CDCA8: variants seen among roughly 807,000 people sequenced by gnomAD.
The protein encoded by CDCA8 is borealin.
In CDCA8, 25 loss-of-function variants were observed where a neutral mutation model predicts 40.0. The ratio of observed to expected loss-of-function variants is 0.63; its 90% confidence interval spans 0.46 to 0.87. The LOEUF is 0.87. Among genes scored for constraint, CDCA8 ranks in the 40% least tolerant of loss-of-function variants. CDCA8 has a pLI of 0.00. For synonymous variants in CDCA8, 111 were observed against 126.5 expected (o/e 0.88, Z 0.82); for missense variants, 280 against 348.4 (o/e 0.80, Z 1.56).
intron 9 of CDCA8, among the ~76,000 whole-genome samples, 161 bp from the exon 10 acceptor site, chr1:37,708,158 AGTT>A (rs1175494727): frequency 2.6e-5 from 4 of 152,108 alleles, no homozygotes; most frequent in African/African-American, 4.8e-5. Context: ...GTCTCACTTG[AGTT>A]GTTATTTTAC....
At chr1:37,697,601 G>A (rs1188235738) in intron 3 of CDCA8, among the ~76,000 whole-genome samples, 1 of 152,190 alleles carries the variant, frequency 6.6e-6, no homozygotes, top group Non-Finnish European at 1.5e-5. Context: ...AGGAAAGGTG[G>A]GAATCTTTCT....
chr1:37,697,315 G>A (rs1318926677), intron 3 of CDCA8, among the ~76,000 whole-genome samples: 1 of 152,210 alleles, frequency 6.6e-6, no homozygotes, highest in African/African-American at 2.4e-5. Context: ...CAACAAAGGA[G>A]AAAATTGCAT....
At chr1:37,706,451 G>C (rs985955085) in intron 8 of CDCA8, among the ~76,000 whole-genome samples, 2 of 152,162 alleles carry the variant, frequency 1.3e-5, no homozygotes, top group African/African-American at 4.8e-5. Context: ...GATTGTAGTA[G>C]GCCCAAGAAG....
chr1:37,692,676 C>G lies in CDCA8; in HGVS notation c.-15C>G. 6.2e-7 allele frequency: 1 copy of G among 1,608,116 alleles called. No homozygotes were observed. The highest frequency in any genetic ancestry group is 8.5e-7 in the Non-Finnish European group (1 of 1,176,434). ...GCCCCATCTCCGCCGCTCCCCGCAG[C>G]CTCCGCCGAGCGCCATGGCTCCTAG... On this transcript the variant is annotated 5_prime_UTR_variant, in exon 1 of 10. Coordinates refer to ENST00000373055, the MANE Select transcript of CDCA8 (RefSeq NM_001256875.2).
Position 37,708,504 on chromosome 1 carries a change from G to A in CDCA8, c.*138G>A. ...TCCTCTAAGGGAATTCAGGAATTCA[G>A]ACGTGCTAGTCCCACACCAGTTAGG... On this transcript the variant is annotated 3_prime_UTR_variant, in exon 10 of 10. Coordinates refer to ENST00000373055, the MANE Select transcript of CDCA8 (RefSeq NM_001256875.2). The A allele has an allele frequency of 1.2e-6, 1 of 808,556 alleles. No homozygotes were observed. Among genetic ancestry groups the A allele is most frequent in the South Asian group, 1.5e-5 (1 of 67,320 alleles). 50.1% of individuals were successfully genotyped at this position (808,556 alleles called of 1,614,324 possible).
At chr1:37,693,504 T>C (rs933192369) in intron 2 of CDCA8, among the ~76,000 whole-genome samples, 1 of 152,232 alleles carries the variant, frequency 6.6e-6, no homozygotes. Context: ...GTTCAAGTGA[T>C]TCTCCTGCCT....
intron 2 of CDCA8, among the ~76,000 whole-genome samples, chr1:37,693,630 C>G (rs1349375500): frequency 6.6e-6 from 1 of 152,056 alleles, no homozygotes; most frequent in Non-Finnish European, 1.5e-5. Context: ...AACTCCTGAC[C>G]TCAAGTGATC....
At position 37,696,192 on chromosome 1, in the gene CDCA8, C is replaced by G. The variant is rs1256962627; in HGVS notation, c.264+242C>G. ...TTGCAGTCCTTTGTTCTGAACTCTACAGCGGAAGTAGAAAGCCTCAAGCCC... is the reference window on the plus strand; with the variant it reads ...TTGCAGTCCTTTGTTCTGAACTCTAGAGCGGAAGTAGAAAGCCTCAAGCCC... On this transcript the variant is annotated intron_variant, in intron 3 of 9. Coordinates refer to ENST00000373055, the MANE Select transcript of CDCA8 (RefSeq NM_001256875.2). The surrounding 1 kb of genome is among the most constrained non-coding windows in gnomAD (Gnocchi z 5.0). 6.6e-6 allele frequency among the ~76,000 whole-genome samples: 1 copy of G among 152,208 alleles called. No homozygotes were observed. Among genetic ancestry groups the G allele is most frequent in the Admixed American group, 6.5e-5 (1 of 15,274 alleles).
At chr1:37,695,116 C>G (rs1258077030) in intron 2 of CDCA8, among the ~76,000 whole-genome samples, 1 of 152,004 alleles carries the variant, frequency 6.6e-6, no homozygotes, top group Non-Finnish European at 1.5e-5. Flanking sequence ...TTTGGGAGGC[C>G]AAGGCAGGTG....
intron 9 of CDCA8, 51 bp downstream of exon 9, chr1:37,707,115 G>T (rs1428737012): frequency 7.5e-7 from 1 of 1,330,484 alleles, no homozygotes; most frequent in Non-Finnish European, 1.1e-6. Context: ...TAGCTTTCTT[G>T]GGCTACCTTT....
intron 7 of CDCA8, 135 bp from the exon 8 acceptor site, chr1:37,705,306 A>C: frequency 1.4e-6 from 1 of 712,754 alleles, no homozygotes; most frequent in Non-Finnish European, 2.3e-6. Context: ...TTTTTTTTCT[A>C]AATTTAGAAC....
At position 37,696,981 on chromosome 1, in the gene CDCA8, C is replaced by T. The variant is rs539797950; in HGVS notation, c.264+1031C>T. On this transcript the variant is annotated intron_variant, in intron 3 of 9. Transcript: ENST00000373055. The surrounding 1 kb of genome is among the most constrained non-coding windows in gnomAD (Gnocchi z 5.0). ...AGCTCCAATGTTTTAAAAGAGTTAC[C>T]TCTGAGATGAATTATGCTTACTAGC... 1.4e-4 allele frequency among the ~76,000 whole-genome samples: 22 copies of T among 152,308 alleles called. No individual in the cohort carries two copies. Among genetic ancestry groups the T allele is most frequent in the Middle Eastern group, 6.8e-3 (2 of 294 alleles).
chr1:37,692,517 T>C lies in CDCA8; in HGVS notation c.-174T>C. The C allele has an allele frequency of 1.6e-6, 1 of 622,696 alleles. No individual in the cohort carries two copies. The highest frequency in any genetic ancestry group is 2.7e-5 in the Admixed American group (1 of 36,388). The allele number at this position is 622,696 out of a possible 1,614,324, so 38.6% of individuals were successfully genotyped here. ...GTTTGAATTGGGTGGCGGTTGACTG[T>C]AGAGCCGCTCTCTCTCACTGGCACA... On this transcript the variant is annotated 5_prime_UTR_variant, in exon 1 of 10. Coordinates refer to ENST00000373055, the MANE Select transcript of CDCA8 (RefSeq NM_001256875.2).
rs1416481546 is a variant in CDCA8, at chr1:37,709,279, A to C, written c.*913A>C. The C allele has an allele frequency of 6.6e-6, 1 of 152,164 alleles. No individual in the cohort carries two copies. Among genetic ancestry groups the C allele is most frequent in the Admixed American group, 6.6e-5 (1 of 15,262 alleles). The allele number at this position is 152,164 out of a possible 1,614,324, so 9.4% of individuals were successfully genotyped here. ...CCTGCCAAGTCTGTAGACTTCAGAG[A>C]GCACTTCTCTCTTATGGGGTTCATG... On this transcript the variant is annotated 3_prime_UTR_variant, in exon 10 of 10. Transcript: ENST00000373055.
At chr1:37,704,635 AC>A (rs1645586538) in intron 7 of CDCA8, among the ~76,000 whole-genome samples, 1 of 109,696 alleles carries the variant, frequency 9.1e-6, no homozygotes, top group Non-Finnish European at 1.9e-5. Context: ...TTTAATTGCC[AC>A]TTTTTTTTTT....
intron 7 of CDCA8, among the ~76,000 whole-genome samples, chr1:37,704,896 C>CT (rs931701943): frequency 6.6e-6 from 1 of 152,128 alleles, no homozygotes; most frequent in Non-Finnish European, 1.5e-5. Context: ...GATCCACCCC[C>CT]CTCGGCCTCC....
chr1:37,706,950 A>G, intron 8 of CDCA8, 28 bp from the exon 9 acceptor site: 1 of 1,593,602 alleles, frequency 6.3e-7, no homozygotes, highest in Non-Finnish European at 8.6e-7. Flanking sequence ...GGCCATGGCC[A>G]GTTTAACCCA....
chr1:37,705,687 C>A, intron 8 of CDCA8, 120 bp downstream of exon 8: 1 of 1,150,228 alleles, frequency 8.7e-7, no homozygotes, highest in East Asian at 2.5e-5. Flanking sequence ...TCCTGATCTC[C>A]ACACTTCTGC....
intron 7 of CDCA8, 148 bp from the exon 8 acceptor site, chr1:37,705,293 A>AT (rs34568126): frequency 0.014 from 8,082 of 596,992 alleles, no homozygotes; most frequent in South Asian, 0.016. Flanking sequence ...GCTTTAAAAC[A>AT]TTTTTTTTTT....
Sources: gnomAD v4.1 joint callset for allele counts (sites outside exome capture counted in the v4.1 genomes callset) on GRCh38, gnomAD v4.1.1 for gene constraint, Gnocchi (gnomAD v3.1) non-coding constraint, MANE v1.5 for transcripts, NCBI Gene and HGNC (gene_info 2026-07-23, HGNC 2026-07-21) for gene names.